Variants in BOD1L1 observed in about 807,000 individuals in gnomAD.
BOD1L1 encodes biorientation of chromosomes in cell division 1 like 1.
A neutral mutation model predicts 240.7 loss-of-function variants in BOD1L1; 86 were observed. That is an observed-to-expected ratio of 0.36 (90% CI 0.30 to 0.43). The LOEUF (loss-of-function observed/expected upper bound fraction) is 0.43. Among genes scored for constraint, BOD1L1 ranks in the 20% least tolerant of loss-of-function variants. The pLI is 1.00. For synonymous variants in BOD1L1, 1,268 were observed against 1,272.3 expected (o/e 1.00, Z 0.07); for missense variants, 3,554 against 3,643.5 (o/e 0.98, Z 0.63).
In BOD1L1 at chr4:13,601,662, T is replaced by A; in HGVS notation, c.5238A>T (p.Gly1746=). The change falls in exon 10 of 26, where the codon GGA becomes GGT. Residue 1746 remains glycine, a synonymous_variant. Transcript: ENST00000040738. ...CCATGCGTTCCTCCCGGGGCCCTGC[T>A]CCAGTTACTGAGCAGATCACAAAGT... The part of the protein sequence containing the change: ...SDNFVICSVT[G]AGPREERMVT... The A allele has an allele frequency of 6.2e-7, 1 of 1,614,008 alleles. No homozygotes were observed. Among genetic ancestry groups the A allele is most frequent in the Non-Finnish European group, 8.5e-7 (1 of 1,179,898 alleles).
At chr4:13,607,287 A>AT (rs1232419908) in intron 8 of BOD1L1, 98 bp from the exon 9 acceptor site, 17 of 495,450 alleles carry the variant, frequency 3.4e-5, no homozygotes, top group Non-Finnish European at 5.0e-5. Flanking sequence ...TATAATTTTT[A>AT]TTTATCTTAT....
intron 22 of BOD1L1, among the ~76,000 whole-genome samples, chr4:13,579,248 T>G (rs1452733224): frequency 1.3e-5 from 2 of 152,208 alleles, no homozygotes; most frequent in African/African-American, 4.8e-5. Flanking sequence ...TATAAAGATT[T>G]CTTGTATGGA....
Position 13,599,650 on chromosome 4 carries a change from G to A in BOD1L1, c.7250C>T (p.Ser2417Phe), listed in dbSNP as rs764349858. The part of the protein sequence containing the change: ...GHNGPSVHKP[S>F]AGQGHPSAVC... The stretch of plus-strand genomic sequence containing the variant: ...AGCACTTGGATGGCCTTGCCCTGCA[G>A]AGGGCTTGTGGACTGATGGCCCGTT... The change falls in exon 10 of 26, where the codon TCT becomes TTT. Residue 2417 changes from serine (S) to phenylalanine (F), a missense_variant. Around this residue, in one of 2 missense-constraint regions of BOD1L1, gnomAD observed 3,393 missense variants for 3,427.1 expected, o/e 0.99. Coordinates refer to ENST00000040738, the MANE Select transcript of BOD1L1 (RefSeq NM_148894.3). The A allele has an allele frequency of 1.9e-6, 3 of 1,614,000 alleles. No homozygotes were observed. Among genetic ancestry groups the A allele is most frequent in the Non-Finnish European group, 2.5e-6 (3 of 1,179,894 alleles).
chr4:13,596,839 G>A (rs1714656463), intron 11 of BOD1L1, among the ~76,000 whole-genome samples: 1 of 152,176 alleles, frequency 6.6e-6, no homozygotes, highest in South Asian at 2.1e-4. Flanking sequence ...TGTAAGAAAT[G>A]GCGATAGATT....
At chr4:13,578,919 A>T (rs1577313208) in intron 22 of BOD1L1, among the ~76,000 whole-genome samples, 1 of 152,206 alleles carries the variant, frequency 6.6e-6, no homozygotes, top group African/African-American at 2.4e-5. Flanking sequence ...TACATTCTTT[A>T]TGCATTTGCT....
At position 13,584,952 on chromosome 4, in the gene BOD1L1, T is replaced by C. The variant is rs544105636; in HGVS notation, c.8433+1444A>G. On this transcript the variant is annotated intron_variant, in intron 17 of 25. Coordinates refer to ENST00000040738, the MANE Select transcript of BOD1L1 (RefSeq NM_148894.3). ...ATTGCAGACAGCTTTCCATGTAACA[T>C]TCTTCTGTAGTAACTGAAAATACTG... is the stretch of plus-strand genomic sequence containing the variant. Among the ~76,000 whole-genome samples the C allele has an allele frequency of 6.8e-4, 103 of 152,350 alleles. 1 individual carries two copies. Among genetic ancestry groups the C allele is most frequent in the African/African-American group, 2.4e-3 (99 of 41,576 alleles).
rs1243852971 is a variant in BOD1L1, at chr4:13,577,757, G to T, written c.8750-126C>A. 1.0e-5 allele frequency: 7 copies of T among 689,106 alleles called. No individual in the cohort carries two copies. The East Asian group carries it at 1.9e-4, about 19-fold the overall frequency. The allele number at this position is 689,106 out of a possible 1,614,324, so 42.7% of individuals were successfully genotyped here. ...TTGTTATACATTTCATCATTATCTT[G>T]TATCAGTCAAGCAAAGATAGAATCA... On this transcript the variant is annotated intron_variant, in intron 22 of 25. Coordinates refer to ENST00000040738, the MANE Select transcript of BOD1L1 (RefSeq NM_148894.3).
rs774507896 is a variant in BOD1L1, at chr4:13,586,437, C to T, written c.8392G>A (p.Ala2798Thr). The part of the protein sequence containing the change: ...PDVLDSRIET[A>T]QRQCPETEPH... Reference sequence around the variant, plus strand: ...TCCGTTTCAGGACACTGCCTTTGTGCTGTTTCTATTCTGGAATCCAGGACA... The same window carrying T: ...TCCGTTTCAGGACACTGCCTTTGTGTTGTTTCTATTCTGGAATCCAGGACA... The change falls in exon 17 of 26, where the codon GCA becomes ACA. Residue 2798 changes from alanine to threonine, a missense_variant. This residue lies in a region of BOD1L1 where 3,393 missense variants were observed against 3,427.1 expected (regional missense o/e 0.99). Coordinates refer to ENST00000040738, the MANE Select transcript of BOD1L1 (RefSeq NM_148894.3). 8.7e-6 allele frequency: 14 copies of T among 1,612,014 alleles called. 1 individual carries two copies. The South Asian group carries it at 1.4e-4, about 17-fold the overall frequency.
chr4:13,617,866 T>G (rs886534741), intron 2 of BOD1L1, among the ~76,000 whole-genome samples: 5 of 152,196 alleles, frequency 3.3e-5, no homozygotes, highest in Non-Finnish European at 7.4e-5. Flanking sequence ...CCCTATACCT[T>G]CAGATTGAAC....
In BOD1L1 at chr4:13,600,245, T is replaced by C. The variant is rs1336313355; in HGVS notation, c.6655A>G (p.Ile2219Val). Residue 2219 changes from isoleucine (I) to valine (V), a missense_variant, in exon 10 of 26, where the codon ATT becomes GTT. By Grantham distance (29) the Ile-to-Val change is conservative. Around this residue, in one of 2 missense-constraint regions of BOD1L1, gnomAD observed 3,393 missense variants for 3,427.1 expected, o/e 0.99. Coordinates refer to ENST00000040738, the MANE Select transcript of BOD1L1 (RefSeq NM_148894.3). ...SKEEKDECAL[I>V]STSIAEECEA... is the part of the protein sequence containing the mutation. ...CATTCTTCTGCTATGCTAGTGGAAA[T>C]GAGAGCACATTCATCCTTCTCCTCC... 8 of 1,613,898 alleles carry C rather than the reference T, an allele frequency of 5.0e-6. No individual in the cohort carries two copies. Among genetic ancestry groups the C allele is most frequent in the Admixed American group, 1.7e-5 (1 of 60,010 alleles).
intron 5 of BOD1L1, 94 bp from the exon 6 acceptor site, chr4:13,611,194 G>T: frequency 1.3e-6 from 1 of 784,936 alleles, no homozygotes; most frequent in Non-Finnish European, 1.9e-6. Flanking sequence ...ATGAATTGGA[G>T]GTCCAAAAGG....
chr4:13,607,602 A>C (rs1715813848), intron 8 of BOD1L1, among the ~76,000 whole-genome samples: 1 of 152,144 alleles, frequency 6.6e-6, no homozygotes, highest in African/African-American at 2.4e-5. Flanking sequence ...CCAGCTGTTT[A>C]CTATAATTTA....
chr4:13,619,013 C>T (rs1716828928), intron 2 of BOD1L1, among the ~76,000 whole-genome samples: 1 of 152,010 alleles, frequency 6.6e-6, no homozygotes, highest in South Asian at 2.1e-4. Flanking sequence ...CTTGTCTTTG[C>T]AAATATTTAC....
intron 25 of BOD1L1, among the ~76,000 whole-genome samples, chr4:13,575,039 C>A (rs1263977656): frequency 6.6e-6 from 1 of 151,894 alleles, no homozygotes; most frequent in Non-Finnish European, 1.5e-5. Context: ...CCTGCCTCAG[C>A]TTCCCAAGTA....
Position 13,602,530 on chromosome 4 carries a change from A to G in BOD1L1, c.4370T>C (p.Leu1457Pro), listed in dbSNP as rs950848879. 30 of 1,613,858 alleles carry G rather than the reference A, an allele frequency of 1.9e-5. No homozygotes were observed. Among genetic ancestry groups the G allele is most frequent in the Non-Finnish European group, 2.5e-5 (29 of 1,179,886 alleles). The stretch of plus-strand genomic sequence containing the variant: ...TTTACCTGGGCTTCTTTTATGCTTA[A>G]GTTTGACAGTTTCAGCATATTTTTC... ...NTEKYAETVK[L>P]KHKRSPGKVK... The change falls in exon 10 of 26, where the codon CTT (leucine) becomes CCT (proline). Residue 1457 changes from leucine to proline, a missense_variant. Physicochemically the swap from Leu to Pro is moderately conservative, Grantham distance 98. Coordinates refer to ENST00000040738, the MANE Select transcript of BOD1L1 (RefSeq NM_148894.3).
In BOD1L1 at chr4:13,604,227, C is replaced by T; in HGVS notation, c.2673G>A (p.Glu891=). ...TTCGTCGTTTCTCCTTGTGAACAAC[C>T]TCTTCTGGTTTCAAATTACTATCCA... ...TNMDSNLKPE[E]VVHKEKRRTK... is the part of the protein sequence containing the mutation. Residue 891 remains glutamate, a synonymous_variant, in exon 10 of 26, where the codon GAG becomes GAA. Coordinates refer to ENST00000040738, the MANE Select transcript of BOD1L1 (RefSeq NM_148894.3). The T allele has an allele frequency of 1.2e-6, 2 of 1,613,694 alleles. No homozygotes were observed. The highest frequency in any genetic ancestry group is 1.7e-6 in the Non-Finnish European group (2 of 1,179,836).
At chr4:13,605,726 T>C (rs4698289) in intron 9 of BOD1L1, among the ~76,000 whole-genome samples, 83,722 of 152,108 alleles carry the variant, frequency 0.55, 26,939 homozygotes, top group East Asian at 0.96. Flanking sequence ...AGATTTCCTA[T>C]ATTTTAATTT....
chr4:13,615,256 G>A, intron 3 of BOD1L1, 56 bp downstream of exon 3: 2 of 1,456,104 alleles, frequency 1.4e-6, no homozygotes, highest in Non-Finnish European at 1.8e-6. Context: ...TCCCTAACTT[G>A]ATATTCAGTT....
chr4:13,620,094 C>A (rs1205200917), intron 1 of BOD1L1, 27 bp from the exon 2 acceptor site: 1 of 1,578,170 alleles, frequency 6.3e-7, no homozygotes, highest in Admixed American at 1.8e-5. Context: ...GAAGGTAAGT[C>A]TTCAAGGTTA....
Sources: gnomAD v4.1 joint callset for allele counts (sites outside exome capture counted in the v4.1 genomes callset) on GRCh38, gnomAD v4.1.1 for gene constraint, gnomAD v4.1.1 regional missense constraint, MANE v1.5 for transcripts, NCBI Gene and HGNC (gene_info 2026-07-23, HGNC 2026-07-21) for gene names.